TSACC: variants seen among roughly 807,000 people sequenced by gnomAD.
TSACC encodes the protein TSSK6 activating cochaperone.
TSACC carries 3 observed loss-of-function variants against 6.9 expected under a neutral mutation model. That is an observed-to-expected ratio of 0.43 (90% confidence interval 0.20 to 1.12). The LOEUF (loss-of-function observed/expected upper bound fraction) is 1.12, where lower values mean the gene tolerates loss of function less well. TSACC is among the 50% of genes most tolerant of loss of function. TSACC has a pLI of 0.28. For synonymous variants in TSACC, 54 were observed against 55.1 expected (o/e 0.98, Z 0.09); for missense variants, 137 against 143.9 (o/e 0.95, Z 0.24).
chr1:156,342,850 A>G (rs1188667370), intron 2 of TSACC, among the ~76,000 whole-genome samples: 1 of 152,186 alleles, frequency 6.6e-6, no homozygotes, highest in Non-Finnish European at 1.5e-5. Context: ...ATGAAAATGA[A>G]TTGTTTTACC....
intron 3 of TSACC, among the ~76,000 whole-genome samples, chr1:156,345,923 G>A (rs1254039861): frequency 6.6e-6 from 1 of 151,590 alleles, no homozygotes; most frequent in Non-Finnish European, 1.5e-5. Context: ...GCCAGGTGCA[G>A]TGGCTCACAC....
intron 2 of TSACC, among the ~76,000 whole-genome samples, chr1:156,342,455 C>T (rs1665949933): frequency 1.3e-5 from 2 of 152,228 alleles, no homozygotes; most frequent in South Asian, 2.1e-4. Flanking sequence ...CTCACCCTGG[C>T]ACCCACATAT....
upstream of TSACC, chr1:156,338,412 T>C (rs1321865785): frequency 1.7e-6 from 1 of 582,436 alleles, no homozygotes; most frequent in Non-Finnish European, 3.1e-6. Flanking sequence ...GCCAGACAAG[T>C]TAGACAGAGA....
Position 156,346,856 on chromosome 1 carries a change from G to A in TSACC, c.252G>A (p.Met84Ile). 1 of 1,614,136 alleles carries A rather than the reference G, an allele frequency of 6.2e-7. No homozygotes were observed. The highest frequency in any genetic ancestry group is 8.5e-7 in the Non-Finnish European group (1 of 1,180,024). Residue 84 changes from methionine (M) to isoleucine (I), a missense_variant, in exon 4 of 4, where the codon ATG (methionine) becomes ATA (isoleucine). Coordinates refer to ENST00000368254, the MANE Select transcript of TSACC (RefSeq NM_001304817.2). ...QLQTQLAQQQ[M>I]AVLEHLQASV... Reference sequence around the variant, plus strand: ...AGACCCAGCTCGCCCAACAACAGATGGCTGTTTTGGAACATTTACAGGCAT... The same window carrying A: ...AGACCCAGCTCGCCCAACAACAGATAGCTGTTTTGGAACATTTACAGGCAT...
intron 2 of TSACC, among the ~76,000 whole-genome samples, chr1:156,342,404 T>A (rs1665945954): frequency 6.6e-6 from 1 of 152,172 alleles, no homozygotes; most frequent in African/African-American, 2.4e-5. Flanking sequence ...AGAACAGATT[T>A]CAGTTTTCAT....
chr1:156,338,318 G>A (rs1665556207), upstream of TSACC: 3 of 823,316 alleles, frequency 3.6e-6, no homozygotes, highest in South Asian at 3.0e-5. Flanking sequence ...TCTCAAGGTA[G>A]TCGCCAATCA....
rs151057154 is a variant in TSACC, at chr1:156,346,803, G to T, written c.199G>T (p.Glu67Ter). The change falls in exon 4 of 4, where the codon GAA (glutamate) becomes TAA (stop). Residue 67 changes from glutamate (E) to a stop codon, truncating the protein, a stop_gained. Transcript: ENST00000368254. LOFTEE classifies it high-confidence loss of function. ...HKPKECLGLL[E>*]CMYANLQLQT... is the part of the protein sequence containing the mutation. ...GCCCAAGGAATGCCTAGGACTCCTG[G>T]AATGTATGTATGCAAACCTCCAGCT... The T allele has an allele frequency of 1.2e-6, 2 of 1,614,164 alleles. No homozygotes were observed. The highest frequency in any genetic ancestry group is 1.7e-6 in the Non-Finnish European group (2 of 1,180,028).
chr1:156,338,031 T>C (rs6699674), upstream of TSACC: 1,978 of 1,086,336 alleles, frequency 1.8e-3, 37 homozygotes, highest in African/African-American at 0.026. Flanking sequence ...GCTTCCAAAA[T>C]GAAGACGATG....
upstream of TSACC, chr1:156,338,268 A>C (rs956140775): frequency 1.5e-5 from 21 of 1,422,200 alleles, no homozygotes; most frequent in Non-Finnish European, 2.0e-5. Flanking sequence ...AGAAGCCCAG[A>C]AAACGCTGCC....
rs113017103 is a variant in TSACC at position 156,339,731 on chromosome 1, C to T, written c.-27C>T. On this transcript the variant is annotated 5_prime_UTR_variant, in exon 2 of 4. Coordinates refer to ENST00000368254, the MANE Select transcript of TSACC (RefSeq NM_001304817.2). The stretch of plus-strand genomic sequence containing the variant: ...GATCATCTGATGCTATGATTCTTTC[C>T]CAGGCACCACACCTGTTGGTGTTCA... 1 of 1,613,560 alleles carries T rather than the reference C, an allele frequency of 6.2e-7. No homozygotes were observed. Among genetic ancestry groups the T allele is most frequent in the East Asian group, 2.2e-5 (1 of 44,834 alleles).
In TSACC at chr1:156,344,615, T is replaced by A; in HGVS notation, c.70T>A (p.Cys24Ser). The change falls in exon 3 of 4, where the codon TGT (cysteine) becomes AGT (serine). Residue 24 changes from cysteine (C) to serine (S), a missense_variant. Coordinates refer to ENST00000368254, the MANE Select transcript of TSACC (RefSeq NM_001304817.2). ...AGAGGAAGCTAATGCTGTGCCTCTC[T>A]GTAGAGCAAAACCCTCCCCCAGCTA... The part of the protein sequence containing the change: ...AKEEANAVPL[C>S]RAKPSPSYIN... The A allele has an allele frequency of 6.2e-7, 1 of 1,614,136 alleles. No homozygotes were observed. The highest frequency in any genetic ancestry group is 8.5e-7 in the Non-Finnish European group (1 of 1,180,016).
At chr1:156,344,220 GTCC>G in intron 2 of TSACC, among the ~76,000 whole-genome samples, 1 of 152,064 alleles carries the variant, frequency 6.6e-6, no homozygotes, top group East Asian at 1.9e-4. Context: ...CATTGTTTAT[GTCC>G]TCATGTTGTT....
In TSACC at chr1:156,339,798, G is replaced by T. The variant is rs1053532804; in HGVS notation, c.34+7G>T. On this transcript the variant is annotated splice_region_variant and intron_variant, in intron 2 of 3. Coordinates refer to ENST00000368254, the MANE Select transcript of TSACC (RefSeq NM_001304817.2). ...AGTCATCCTAACAGAAAAGGTGTGT[G>T]TTGGAGGCCCTGCTTCCCCTCCCTT... The T allele has an allele frequency of 5.6e-6, 9 of 1,613,534 alleles. No individual in the cohort carries two copies. Among genetic ancestry groups the T allele is most frequent in the Non-Finnish European group, 7.6e-6 (9 of 1,179,954 alleles).
At chr1:156,337,471 T>C (rs1442493876), upstream of TSACC, 1 of 173,712 alleles carries the variant, frequency 5.8e-6, no homozygotes. Flanking sequence ...TCGAGAAATC[T>C]GGGAAAACCC....
chr1:156,340,789 T>C (rs1040724507), intron 2 of TSACC, among the ~76,000 whole-genome samples: 2 of 152,034 alleles, frequency 1.3e-5, no homozygotes, highest in Admixed American at 1.3e-4. Context: ...AACTGGCTCT[T>C]TTCACAGAGT....
chr1:156,344,552 A>G, intron 2 of TSACC, 28 bp from the exon 3 acceptor site: 5 of 1,609,734 alleles, frequency 3.1e-6, no homozygotes, highest in Non-Finnish European at 3.4e-6. Flanking sequence ...TGTTGGAATG[A>G]GCTCTGATTT....
intron 3 of TSACC, among the ~76,000 whole-genome samples, chr1:156,346,488 C>T (rs911038444): frequency 1.3e-5 from 2 of 151,954 alleles, no homozygotes; most frequent in Admixed American, 6.6e-5. Context: ...GGGACTTAGA[C>T]AAAAATTAAG....
Position 156,345,052 on chromosome 1 carries a change from A to G in TSACC, c.163+344A>G, listed in dbSNP as rs114982187. Among the ~76,000 whole-genome samples, 274 of 152,318 alleles carry G rather than the reference A, an allele frequency of 1.8e-3. 1 individual carries two copies. Among genetic ancestry groups the G allele is most frequent in the African/African-American group, 6.1e-3 (254 of 41,572 alleles). On this transcript the variant is annotated intron_variant, in intron 3 of 3. Transcript: ENST00000368254. ...AAAACGGTGGCTAGAGAAGGAAACT[A>G]TTAGCTCAGTCTCAGGGTCTTTGAA... is the stretch of plus-strand genomic sequence containing the variant.
At chr1:156,341,015 A>G (rs771967456) in intron 2 of TSACC, among the ~76,000 whole-genome samples, 2 of 151,880 alleles carry the variant, frequency 1.3e-5, no homozygotes, top group Non-Finnish European at 2.9e-5. Context: ...TTTTTAGTAC[A>G]GACTGGGTTA....
Sources: gnomAD v4.1 joint callset for allele counts (sites outside exome capture counted in the v4.1 genomes callset) on GRCh38, gnomAD v4.1.1 for gene constraint, MANE v1.5 for transcripts, NCBI Gene and HGNC (gene_info 2026-07-23, HGNC 2026-07-21) for gene names.